Variants in PWP2 observed in about 807,000 individuals in gnomAD.
The protein encoded by PWP2 is periodic tryptophan protein 2 homolog.
For missense variants in PWP2, 35 were observed against 114.1 expected, an observed-to-expected ratio of 0.31 and a Z score of 3.16; for synonymous variants, 24 against 45.4, an observed-to-expected ratio of 0.53 and a Z score of 1.89.
At position 44,118,288 on chromosome 21, in the gene PWP2, G is replaced by A. The variant is rs79476204; in HGVS notation, c.980+325G>A. On this transcript the variant is annotated intron_variant, in intron 8 of 20. Transcript: ENST00000291576. Reference sequence around the variant, plus strand: ...GTGAAGTTGCAAGTTGTTGAACCCTGGCCTCCCCTCTGGGCCTTCTCTGAT... The same window carrying A: ...GTGAAGTTGCAAGTTGTTGAACCCTAGCCTCCCCTCTGGGCCTTCTCTGAT... 7.3e-3 allele frequency among the ~76,000 whole-genome samples: 43 copies of A among 5,874 alleles called. 2 individuals carry two copies. The highest frequency in any genetic ancestry group is 0.011 in the African/African-American group (37 of 3,454). The allele number at this position is 5,874 out of a possible 152,430, so 3.9% of individuals were successfully genotyped here. A position where few individuals can be genotyped will look rare whatever the true frequency, so the allele number is the denominator to read the frequency against.
Position 44,121,012 on chromosome 21 carries a change from C to T in PWP2, c.1546C>T (p.Leu516=). The change falls in exon 13 of 21, where the codon CTG becomes TTG. Residue 516 remains leucine, a synonymous_variant. Coordinates refer to ENST00000291576, the MANE Select transcript of PWP2 (RefSeq NM_005049.3). ...GTGTTTTAACCCAATGAAGTCCGTC[C>T]TGGCCAGTGCCTCCTGGGACAAGAC... is the stretch of plus-strand genomic sequence containing the variant. ...GLCFNPMKSV[L]ASASWDKTVR... The T allele has an allele frequency of 1.6e-6, 1 of 628,626 alleles. No individual in the cohort carries two copies. Among genetic ancestry groups the T allele is most frequent in the South Asian group, 1.7e-5 (1 of 58,018 alleles). The allele number at this position is 628,626 out of a possible 1,614,324, so 38.9% of individuals were successfully genotyped here.
chr21:44,112,010 C>T (rs1407858682), intron 2 of PWP2, among the ~76,000 whole-genome samples: 4 of 65,236 alleles, frequency 6.1e-5, no homozygotes, highest in African/African-American at 1.3e-4. Flanking sequence ...CCACCATGCC[C>T]GGCCAGCAAG....
chr21:44,119,579 A>T (rs371406966), intron 10 of PWP2, 56 bp downstream of exon 10: 5 of 490,758 alleles, frequency 1.0e-5, no homozygotes, highest in African/African-American at 8.8e-5. Context: ...GTGAAGATGC[A>T]GTGGTCTGTG....
chr21:44,127,777 G>A (rs558204785), intron 17 of PWP2, 155 bp from the exon 18 acceptor site: 2 of 74,540 alleles, frequency 2.7e-5, no homozygotes, highest in Admixed American at 1.9e-4. Context: ...GTAGTGGGGT[G>A]GGGGCTAGAG....
chr21:44,120,215 AC>A (rs2039279912), intron 10 of PWP2, 132 bp from the exon 11 acceptor site: 2 of 186,906 alleles, frequency 1.1e-5, no homozygotes, highest in African/African-American at 9.7e-5. Flanking sequence ...GGTATTACTC[AC>A]GGGTAGGGTC....
chr21:44,117,212 C>A lies in PWP2; in HGVS notation c.837-608C>A, dbSNP rs2039256569. ...GAGGAAGGGATGATGGGCCCCCCAA[C>A]CCCGCCCTGGGGAAGGGAGGTTCCA... On this transcript the variant is annotated intron_variant, in intron 7 of 20. Coordinates refer to ENST00000291576, the MANE Select transcript of PWP2 (RefSeq NM_005049.3). Among the ~76,000 whole-genome samples, 2 of 66,080 alleles carry A rather than the reference C, an allele frequency of 3.0e-5. 1 individual carries two copies. The highest frequency in any genetic ancestry group is 3.3e-4 in the Admixed American group (2 of 6,016). The allele number at this position is 66,080 out of a possible 152,430, so 43.4% of individuals were successfully genotyped here.
rs2039335387 is a variant in PWP2, at chr21:44,128,803, G to A, written c.2585+177G>A. 2.7e-5 allele frequency among the ~76,000 whole-genome samples: 2 copies of A among 74,994 alleles called. 1 individual carries two copies. 49.2% of individuals were successfully genotyped at this position (74,994 alleles called of 152,430 possible). A position where few individuals can be genotyped will look rare whatever the true frequency, so the allele number is the denominator to read the frequency against. On this transcript the variant is annotated intron_variant, in intron 20 of 20. Transcript: ENST00000291576. ...CGGCCACCCCGTGGTTGAGCAGCTT[G>A]GGAAATGGCCTGGCGCTGAATGGAA...
Position 44,127,621 on chromosome 21 carries a change from C to T in PWP2, c.2141-311C>T, listed in dbSNP as rs148487659. On this transcript the variant is annotated intron_variant, in intron 17 of 20. Transcript: ENST00000291576. ...GGTGCAGCAGAGACCACAGGGCCTG[C>T]GGAGCTGAAGACGCCTGAGCTAGAC... 71 of 88,282 alleles carry T rather than the reference C, an allele frequency of 8.0e-4. 13 individuals carry two copies. The highest frequency in any genetic ancestry group is 2.1e-3 in the African/African-American group (68 of 32,242). 5.5% of individuals were successfully genotyped at this position (88,282 alleles called of 1,614,324 possible).
chr21:44,117,049 C>A lies in PWP2; in HGVS notation c.837-771C>A, dbSNP rs559181335. Among the ~76,000 whole-genome samples the A allele has an allele frequency of 7.0e-4, 43 of 61,682 alleles. 10 individuals carry two copies. Among genetic ancestry groups the A allele is most frequent in the African/African-American group, 1.3e-3 (38 of 28,904 alleles). 40.5% of individuals were successfully genotyped at this position (61,682 alleles called of 152,430 possible). On this transcript the variant is annotated intron_variant, in intron 7 of 20. Coordinates refer to ENST00000291576, the MANE Select transcript of PWP2 (RefSeq NM_005049.3). ...CAGCGGAGTTGGAGGGTGGCCAGAACAGGTCCAAGTGGGTCAGTGCCCACA... is the reference window on the plus strand; with the variant it reads ...CAGCGGAGTTGGAGGGTGGCCAGAAAAGGTCCAAGTGGGTCAGTGCCCACA...
In PWP2 at chr21:44,120,372, G is replaced by A. The variant is rs748879796; in HGVS notation, c.1213G>A (p.Gly405Ser). The A allele has an allele frequency of 3.3e-6, 2 of 601,436 alleles. 1 individual carries two copies. Among genetic ancestry groups the A allele is most frequent in the South Asian group, 3.6e-5 (2 of 55,008 alleles). The allele number at this position is 601,436 out of a possible 1,614,324, so 37.3% of individuals were successfully genotyped here. ...GGTCAAGGTGTGGAACACCCTCAGC[G>A]GCTTCTGCTTCGTCACTTTTACGGA... ...GKVKVWNTLSGFCFVTFTEHS... is the reference protein window; with the variant it reads ...GKVKVWNTLSSFCFVTFTEHS... The change falls in exon 11 of 21, where the codon GGC becomes AGC. Residue 405 changes from glycine to serine, a missense_variant. By Grantham distance (56) the Gly-to-Ser change is moderately conservative. Coordinates refer to ENST00000291576, the MANE Select transcript of PWP2 (RefSeq NM_005049.3).
Position 44,128,822 on chromosome 21 carries a change from A to G in PWP2, c.2585+196A>G, listed in dbSNP as rs559743394. Among the ~76,000 whole-genome samples, 4 of 75,234 alleles carry G rather than the reference A, an allele frequency of 5.3e-5. 1 individual carries two copies. In the South Asian group the frequency reaches 1.4e-3, roughly 26 times the overall value. The allele number at this position is 75,234 out of a possible 152,430, so 49.4% of individuals were successfully genotyped here. A position where few individuals can be genotyped will look rare whatever the true frequency, so the allele number is the denominator to read the frequency against. The stretch of plus-strand genomic sequence containing the variant: ...CAGCTTGGGAAATGGCCTGGCGCTG[A>G]ATGGAAAGCAGTGAGCACTGTGGCA... On this transcript the variant is annotated intron_variant, in intron 20 of 20. Transcript: ENST00000291576.
chr21:44,120,966 C>T lies in PWP2; in HGVS notation c.1500C>T (p.His500=), dbSNP rs114475684. The T allele has an allele frequency of 1.8e-3, 771 of 419,754 alleles. 151 individuals carry two copies. Among genetic ancestry groups the T allele is most frequent in the African/African-American group, 0.014 (701 of 51,766 alleles). The allele number at this position is 419,754 out of a possible 1,614,324, so 26.0% of individuals were successfully genotyped here. Reference sequence around the variant, plus strand: ...CTCTACGGTAGGTTTTGTCTGGACACGAAGGGCCCATCAGTGGTCTGTGTT... The same window carrying T: ...CTCTACGGTAGGTTTTGTCTGGACATGAAGGGCCCATCAGTGGTCTGTGTT... ...TGRLLDVLSG[H]EGPISGLCFN... is the part of the protein sequence containing the mutation. The change falls in exon 13 of 21, where the codon CAC becomes CAT. Residue 500 remains histidine (H), a synonymous_variant. Coordinates refer to ENST00000291576, the MANE Select transcript of PWP2 (RefSeq NM_005049.3).
chr21:44,122,783 G>A (rs2039296281), intron 14 of PWP2, among the ~76,000 whole-genome samples: 1 of 75,234 alleles, frequency 1.3e-5, no homozygotes, highest in African/African-American at 2.9e-5. Flanking sequence ...TCTACAAAAA[G>A]TAGAAAAATT....
At chr21:44,119,079 C>A in intron 9 of PWP2, 1 of 198,354 alleles carries the variant, frequency 5.0e-6, no homozygotes, top group South Asian at 4.1e-5. Flanking sequence ...CCAGCTGCCT[C>A]CCAGGGGTGC....
At position 44,109,037 on chromosome 21, in the gene PWP2, C is replaced by T. The variant is rs1442455146; in HGVS notation, c.72C>T (p.Cys24=). 8.0e-6 allele frequency: 5 copies of T among 622,344 alleles called. 2 individuals carry two copies. Among genetic ancestry groups the T allele is most frequent in the South Asian group, 1.7e-5 (1 of 57,978 alleles). The allele number at this position is 622,344 out of a possible 1,614,324, so 38.6% of individuals were successfully genotyped here. A position where few individuals can be genotyped will look rare whatever the true frequency, so the allele number is the denominator to read the frequency against. The change falls in exon 2 of 21, where the codon TGC becomes TGT. Residue 24 remains cysteine (C), a synonymous_variant. Transcript: ENST00000291576. ...VYRRGNLNFT[C]DGNSVISPVG... ...GGCGTGGGAACCTAAATTTTACCTG[C>T]GATGGAAATTCAGTTATCAGTCCCG...
Position 44,124,660 on chromosome 21 carries a change from A to G in PWP2, c.1898A>G (p.His633Arg). 3.8e-6 allele frequency: 2 copies of G among 520,758 alleles called. 1 individual carries two copies. Among genetic ancestry groups the G allele is most frequent in the Non-Finnish European group, 5.6e-6 (2 of 356,432 alleles). 32.3% of individuals were successfully genotyped at this position (520,758 alleles called of 1,614,324 possible). ...GGMSKFVCIY[H>R]VREQILMKRF... ...ATGTCCAAGTTCGTGTGCATCTACC[A>G]CGTCCGTGAGCAGATTCTCATGAAG... The change falls in exon 15 of 21, where the codon CAC (histidine) becomes CGC (arginine). Residue 633 changes from histidine (H) to arginine (R), a missense_variant. Transcript: ENST00000291576.
chr21:44,129,059 C>CT (rs2146278347), intron 20 of PWP2, among the ~76,000 whole-genome samples: 1 of 71,036 alleles, frequency 1.4e-5, no homozygotes, highest in African/African-American at 3.1e-5. Flanking sequence ...GAAAAGGGTG[C>CT]TGTTGCTGCT....
rs201330034 is a variant in PWP2 at position 44,121,082 on chromosome 21, C to T, written c.1616C>T (p.Thr539Met). 4.8e-5 allele frequency: 30 copies of T among 619,288 alleles called. 11 individuals are homozygous for T. Among genetic ancestry groups the T allele is most frequent in the South Asian group, 3.7e-4 (21 of 56,218 alleles). The allele number at this position is 619,288 out of a possible 1,614,324, so 38.4% of individuals were successfully genotyped here. A position where few individuals can be genotyped will look rare whatever the true frequency, so the allele number is the denominator to read the frequency against. ...TTTGACAGCTGGAGGACCAAGGAGA[C>T]GCTGGCCCTGACCTCTGATGGTGAG... is the stretch of plus-strand genomic sequence containing the variant. The part of the protein sequence containing the change: ...DMFDSWRTKE[T>M]LALTSDALAV... The change falls in exon 13 of 21, where the codon ACG becomes ATG. Residue 539 changes from threonine to methionine, a missense_variant. Physicochemically the swap from Thr to Met is moderately conservative, Grantham distance 81. Coordinates refer to ENST00000291576, the MANE Select transcript of PWP2 (RefSeq NM_005049.3).
At position 44,131,112 on chromosome 21, in the gene PWP2, T is replaced by TA. The variant is rs948354780; in HGVS notation, c.*349dup. 2.0e-4 allele frequency: 17 copies of TA among 83,672 alleles called. 5 individuals are homozygous for TA. The highest frequency in any genetic ancestry group is 3.3e-4 in the Non-Finnish European group (10 of 30,334). The allele number at this position is 83,672 out of a possible 1,614,324, so 5.2% of individuals were successfully genotyped here. On this transcript the variant is annotated 3_prime_UTR_variant, in exon 21 of 21. Coordinates refer to ENST00000291576, the MANE Select transcript of PWP2 (RefSeq NM_005049.3). ...AAGGTTTGATAAAGAACTTAGGGAT[T>TA]AAAAAAAAGATGGAGTTTTCTAACG...
Sources: allele counts gnomAD v4.1 joint callset (sites outside exome capture counted in the v4.1 genomes callset), GRCh38; gene constraint gnomAD v4.1.1; transcripts MANE v1.5; gene names NCBI Gene and HGNC (gene_info 2026-07-23, HGNC 2026-07-21).